ACMSD: variants seen among roughly 807,000 people sequenced by gnomAD.
ACMSD encodes the protein aminocarboxymuconate semialdehyde decarboxylase.
In ACMSD, 37 loss-of-function variants were observed where a neutral mutation model predicts 45.9. The observed-to-expected ratio is 0.81, with a 90% CI of 0.62 to 1.06. The LOEUF is 1.06. Among genes scored for constraint, ACMSD ranks in the 50% least tolerant of loss-of-function variants. The pLI is 0.00. For synonymous variants in ACMSD, 138 were observed against 148.8 expected (o/e 0.93, Z 0.53); for missense variants, 434 against 420.9 (o/e 1.03, Z -0.27).
chr2:134,899,936 A>G (rs1398063229), intron 9 of ACMSD, among the ~76,000 whole-genome samples: 6 of 152,182 alleles, frequency 3.9e-5, no homozygotes, highest in Non-Finnish European at 8.8e-5. Context: ...ATGCCTGAAT[A>G]TAAGTATTTG....
chr2:134,859,389 C>G, intron 3 of ACMSD, 32 bp downstream of exon 3: 1 of 1,588,836 alleles, frequency 6.3e-7, no homozygotes, highest in Non-Finnish European at 8.6e-7. Context: ...ATGTTAGCAT[C>G]TGATGTAAAA....
chr2:134,840,860 A>G lies in ACMSD; in HGVS notation c.57+2121A>G, dbSNP rs562784785. ...TGATTTGTGAGATTTTGGTGCACCC[A>G]TCACCCAAGCAGTATACACTGCACC... is the stretch of plus-strand genomic sequence containing the variant. On this transcript the variant is annotated intron_variant, in intron 1 of 9. Transcript: ENST00000356140. Among the ~76,000 whole-genome samples the G allele has an allele frequency of 2.8e-4, 43 of 152,274 alleles. No individual in the cohort carries two copies. The Middle Eastern group carries it at 0.014, about 48-fold the overall frequency.
chr2:134,864,006 C>G (rs1347040771), intron 5 of ACMSD, among the ~76,000 whole-genome samples: 2 of 152,078 alleles, frequency 1.3e-5, no homozygotes, highest in Non-Finnish European at 2.9e-5. Context: ...CAGCAGCTCA[C>G]ACCTGTAATC....
At chr2:134,843,885 G>A (rs1217653007) in intron 1 of ACMSD, among the ~76,000 whole-genome samples, 1 of 152,164 alleles carries the variant, frequency 6.6e-6, no homozygotes, top group African/African-American at 2.4e-5. Context: ...AAGGTGTTAG[G>A]TCAGCTCCCT....
chr2:134,849,899 C>T (rs1229505426), intron 2 of ACMSD, among the ~76,000 whole-genome samples: 3 of 151,954 alleles, frequency 2.0e-5, no homozygotes, highest in African/African-American at 2.4e-5. Flanking sequence ...GACACAGGCC[C>T]GTTTCAAAGC....
chr2:134,854,835 C>T (rs973196064), intron 2 of ACMSD, among the ~76,000 whole-genome samples: 1 of 152,140 alleles, frequency 6.6e-6, no homozygotes, highest in African/African-American at 2.4e-5. Flanking sequence ...AAAAGTGAGG[C>T]TTAAACTCAG....
chr2:134,879,975 C>G (rs1688947225), intron 8 of ACMSD, among the ~76,000 whole-genome samples: 1 of 152,098 alleles, frequency 6.6e-6, no homozygotes, highest in South Asian at 2.1e-4. Flanking sequence ...TGGTTTTACT[C>G]CTTCATCTTG....
chr2:134,888,641 A>G (rs1298766017), intron 8 of ACMSD, among the ~76,000 whole-genome samples: 1 of 151,406 alleles, frequency 6.6e-6, no homozygotes, highest in Admixed American at 6.6e-5. Context: ...ACTACTCAGC[A>G]AAAAACAACA....
chr2:134,886,396 C>A (rs1227686970), intron 8 of ACMSD, among the ~76,000 whole-genome samples: 1 of 151,360 alleles, frequency 6.6e-6, no homozygotes, highest in Non-Finnish European at 1.5e-5. Flanking sequence ...CTACAGGTGC[C>A]CGCCAACACG....
intron 7 of ACMSD, 103 bp from the exon 8 acceptor site, chr2:134,872,366 C>T (rs1688500124): frequency 2.3e-6 from 3 of 1,298,372 alleles, no homozygotes; most frequent in Non-Finnish European, 3.3e-6. Context: ...TCTGTAATTA[C>T]TGTTAATCAG....
At chr2:134,880,436 T>C (rs1688975339) in intron 8 of ACMSD, among the ~76,000 whole-genome samples, 2 of 152,226 alleles carry the variant, frequency 1.3e-5, no homozygotes, top group African/African-American at 4.8e-5. Context: ...AGAATTCCTA[T>C]TGTTCTAAAG....
intron 1 of ACMSD, among the ~76,000 whole-genome samples, chr2:134,840,403 TAGAG>T (rs1362569149): frequency 6.6e-6 from 1 of 151,926 alleles, no homozygotes; most frequent in East Asian, 1.9e-4. Flanking sequence ...TTTTGAGGCT[TAGAG>T]AGAGCTACAG....
rs955429016 is a variant in ACMSD at position 134,894,479 on chromosome 2, T to C, written c.850-3862T>C. 2.0e-5 allele frequency among the ~76,000 whole-genome samples: 3 copies of C among 152,094 alleles called. No individual in the cohort carries two copies. The East Asian group carries it at 5.8e-4, about 29-fold the overall frequency. The stretch of plus-strand genomic sequence containing the variant: ...ATACTGAATTAATAATTTTCAATCT[T>C]CCCACAAAGAAAAGCTGATGACCAG... On this transcript the variant is annotated intron_variant, in intron 8 of 9. Transcript: ENST00000356140.
At chr2:134,847,205 G>A (rs1687089911) in intron 2 of ACMSD, among the ~76,000 whole-genome samples, 1 of 152,088 alleles carries the variant, frequency 6.6e-6, no homozygotes, top group Non-Finnish European at 1.5e-5. Context: ...CACTTTGGTT[G>A]CTCTGTGGAG....
intron 8 of ACMSD, among the ~76,000 whole-genome samples, chr2:134,891,634 A>G (rs1344209787): frequency 6.6e-6 from 1 of 152,210 alleles, no homozygotes; most frequent in African/African-American, 2.4e-5. Context: ...TGTTGGTGGG[A>G]ATGTAAATTA....
intron 8 of ACMSD, among the ~76,000 whole-genome samples, chr2:134,879,679 CTTGTT>C (rs756313470): frequency 1.3e-5 from 2 of 152,138 alleles, no homozygotes; most frequent in African/African-American, 4.8e-5. Flanking sequence ...TCTTTCCTTC[CTTGTT>C]TTATTTTATT....
chr2:134,890,749 A>C (rs1210346971), intron 8 of ACMSD, among the ~76,000 whole-genome samples: 1 of 152,030 alleles, frequency 6.6e-6, no homozygotes, highest in Non-Finnish European at 1.5e-5. Context: ...ATGATAAAGC[A>C]AAGATGGCAA....
chr2:134,842,987 G>C (rs1182806955), intron 1 of ACMSD, among the ~76,000 whole-genome samples: 1 of 152,222 alleles, frequency 6.6e-6, no homozygotes, highest in Non-Finnish European at 1.5e-5. Context: ...GAGTGAGGAA[G>C]AAGCGGGAGA....
intron 8 of ACMSD, among the ~76,000 whole-genome samples, chr2:134,886,234 A>G (rs1003195089): frequency 2.4e-5 from 3 of 124,232 alleles, no homozygotes; most frequent in Non-Finnish European, 4.8e-5. Context: ...TTACCCATTC[A>G]TTATTATTAT....
Sources: gnomAD v4.1 joint callset for allele counts (sites outside exome capture counted in the v4.1 genomes callset) on GRCh38, gnomAD v4.1.1 for gene constraint, MANE v1.5 for transcripts, NCBI Gene and HGNC (gene_info 2026-07-23, HGNC 2026-07-21) for gene names.